The following NTM variants were observed in gnomAD, a reference collection of about 807,000 sequenced individuals.
The protein encoded by NTM is neurotrimin.
Under a neutral mutation model 42.1 loss-of-function variants are expected in NTM, and 13 were observed. The ratio of observed to expected loss-of-function variants is 0.31; its 90% CI spans 0.20 to 0.49. The LOEUF (loss-of-function observed/expected upper bound fraction) is 0.49, where lower values mean the gene tolerates loss of function less well. Ranked by LOEUF, NTM falls within the 20% of genes least tolerant of loss-of-function variation. The pLI is 0.99. For missense variants in NTM, 373 were observed against 452.8 expected (o/e 0.82, Z 1.60); for synonymous variants, 187 against 179.2 (o/e 1.04, Z -0.35).
At chr11:131,666,137 G>T (rs1283104093) in intron 1 of NTM, among the ~76,000 whole-genome samples, 1 of 152,072 alleles carries the variant, frequency 6.6e-6, no homozygotes. Context: ...CTATTCTGAG[G>T]ATTCAGTGCC....
chr11:132,003,492 T>C lies in NTM; in HGVS notation c.167+91844T>C, dbSNP rs553749. Among the ~76,000 whole-genome samples, 56,360 of 151,988 alleles carry C rather than the reference T, an allele frequency of 0.37. 11,310 individuals carry two copies. Among genetic ancestry groups the C allele is most frequent in the Middle Eastern group, 0.56 (166 of 294 alleles). ...AGTTCCTGGGCTCAAGCGATCCTTC[T>C]GGCTCAGACCTCCAATGTGCTGGGA... is the stretch of plus-strand genomic sequence containing the variant. On this transcript the variant is annotated intron_variant, in intron 2 of 8. Coordinates refer to ENST00000683400, the MANE Select transcript of NTM (RefSeq NM_001352005.2). This position sits in a 1 kb window ranked among gnomAD's most constrained non-coding sequence, Gnocchi z 6.0.
chr11:131,570,792 C>T (rs1404304737), intron 1 of NTM, among the ~76,000 whole-genome samples: 2 of 152,214 alleles, frequency 1.3e-5, no homozygotes, highest in Admixed American at 6.5e-5. Context: ...CACTGCACTC[C>T]AGCCTGGCAA....
intron 1 of NTM, chr11:131,774,189 T>C (rs772602323): frequency 3.8e-5 from 34 of 890,714 alleles, no homozygotes; most frequent in Middle Eastern, 5.7e-4. Flanking sequence ...TTTATCTCCA[T>C]AGCCTTTATG....
At chr11:131,911,453 G>A (rs764896779) in intron 1 of NTM, 111 bp from the exon 2 acceptor site, 3 of 1,613,682 alleles carry the variant, frequency 1.9e-6, no homozygotes, top group Admixed American at 1.7e-5. Flanking sequence ...TGCGGCTGCC[G>A]GAGTTCGGGG....
intron 1 of NTM, among the ~76,000 whole-genome samples, chr11:131,686,996 G>A (rs1037877373): frequency 2.3e-4 from 35 of 152,258 alleles, no homozygotes; most frequent in Non-Finnish European, 3.4e-4. Context: ...AGCCCAGGCC[G>A]CAGGGCCACG....
At chr11:132,295,647 G>C (rs1208951679) in intron 4 of NTM, among the ~76,000 whole-genome samples, 1 of 152,180 alleles carries the variant, frequency 6.6e-6, no homozygotes, top group Non-Finnish European at 1.5e-5. Flanking sequence ...AACAGGCACA[G>C]ATCAATACAA....
intron 1 of NTM, among the ~76,000 whole-genome samples, chr11:131,389,024 A>AAAAAAG (rs774146196): frequency 0.019 from 1,731 of 89,920 alleles, 26 homozygotes; most frequent in Middle Eastern, 0.04. Context: ...AAAAAAAAAA[A>AAAAAAG]AAAAGAAAAG....
chr11:131,675,247 T>C (rs563637032), intron 1 of NTM, among the ~76,000 whole-genome samples: 1 of 152,340 alleles, frequency 6.6e-6, no homozygotes, highest in South Asian at 2.1e-4. Context: ...AACAGCAGAG[T>C]AGCTCATCTG....
At chr11:131,737,953 A>G (rs2080693759) in intron 1 of NTM, among the ~76,000 whole-genome samples, 1 of 152,222 alleles carries the variant, frequency 6.6e-6, no homozygotes, top group African/African-American at 2.4e-5. Flanking sequence ...CTGGACAAAA[A>G]GAAATATGCC....
chr11:131,804,453 A>G (rs983455253), intron 1 of NTM, among the ~76,000 whole-genome samples: 1 of 152,100 alleles, frequency 6.6e-6, no homozygotes, highest in Admixed American at 6.5e-5. Context: ...CTTTCATGCC[A>G]TAAAGGGCAA....
At chr11:131,612,016 G>A (rs1592223126) in intron 1 of NTM, among the ~76,000 whole-genome samples, 1 of 152,160 alleles carries the variant, frequency 6.6e-6, no homozygotes, top group African/African-American at 2.4e-5. Flanking sequence ...CAGAGGTGAT[G>A]GCATGTGACT....
chr11:132,148,623 T>A (rs2071120277), intron 3 of NTM, among the ~76,000 whole-genome samples: 1 of 152,158 alleles, frequency 6.6e-6, no homozygotes, highest in Non-Finnish European at 1.5e-5. Flanking sequence ...TGGATCATAT[T>A]TTTGTCATTT....
At chr11:131,828,910 A>C (rs571552743) in intron 1 of NTM, among the ~76,000 whole-genome samples, 2 of 151,992 alleles carry the variant, frequency 1.3e-5, no homozygotes, top group African/African-American at 2.4e-5. Flanking sequence ...TAGCCTTATG[A>C]CTACTTACCC....
chr11:132,085,950 T>C (rs1381459692), intron 2 of NTM, among the ~76,000 whole-genome samples: 1 of 152,166 alleles, frequency 6.6e-6, no homozygotes, highest in Non-Finnish European at 1.5e-5. Flanking sequence ...CAAAATGGAA[T>C]CCACGGTGCC....
chr11:131,396,053 T>C (rs2442105), intron 1 of NTM, among the ~76,000 whole-genome samples: 49,463 of 151,964 alleles, frequency 0.33, 9,774 homozygotes, highest in Non-Finnish European at 0.44. Flanking sequence ...GTGAGCAGGG[T>C]CTAGAACTGT....
intron 2 of NTM, among the ~76,000 whole-genome samples, chr11:131,928,568 T>G (rs915063214): frequency 3.3e-5 from 5 of 151,556 alleles, no homozygotes; most frequent in African/African-American, 1.2e-4. Flanking sequence ...TTCTATGGTC[T>G]CCCGTCTGTG....
chr11:131,751,380 G>A (rs1208790742), intron 1 of NTM, among the ~76,000 whole-genome samples: 4 of 152,054 alleles, frequency 2.6e-5, no homozygotes, highest in African/African-American at 9.6e-5. Flanking sequence ...CACGAGGTCA[G>A]GGGATCGAGA....
Position 131,378,667 on chromosome 11 carries a change from A to T in NTM, c.82+7779A>T, listed in dbSNP as rs147481359. On this transcript the variant is annotated intron_variant, in intron 1 of 8. Coordinates refer to ENST00000683400, the MANE Select transcript of NTM (RefSeq NM_001352005.2). ...TTGATCAATTCCTAAGCCTTCCTGC[A>T]AGAGAAATTCAGAAGGCATTTGATT... Among the ~76,000 whole-genome samples the T allele has an allele frequency of 2.0e-5, 3 of 152,330 alleles. No homozygotes were observed. In the East Asian group the frequency reaches 5.8e-4, roughly 29 times the overall value.
chr11:131,921,551 G>C (rs967658557), intron 2 of NTM, among the ~76,000 whole-genome samples: 1 of 152,100 alleles, frequency 6.6e-6, no homozygotes, highest in African/African-American at 2.4e-5. Context: ...CCCCAGTTTT[G>C]ATACTATATT....
Sources: allele counts gnomAD v4.1 joint callset (sites outside exome capture counted in the v4.1 genomes callset), GRCh38; gene constraint gnomAD v4.1.1; non-coding constraint Gnocchi (gnomAD v3.1); transcripts MANE v1.5; gene names NCBI Gene and HGNC (gene_info 2026-07-23, HGNC 2026-07-21).